The following ANGPT1 variants were observed in gnomAD, a reference collection of about 807,000 sequenced individuals.
The protein encoded by ANGPT1 is angiopoietin 1.
ANGPT1 carries 17 observed loss-of-function variants against 62.2 expected under a neutral mutation model. That is an observed-to-expected ratio of 0.27 (90% CI 0.19 to 0.41). The LOEUF (loss-of-function observed/expected upper bound fraction) is 0.41, where lower values mean the gene tolerates loss of function less well. Among genes scored for constraint, ANGPT1 ranks in the 10% least tolerant of loss-of-function variants. The pLI, the probability that ANGPT1 is intolerant of heterozygous loss-of-function variation, is 1.00. For synonymous variants in ANGPT1, 199 were observed against 198.9 expected (o/e 1.00, Z 0.00); for missense variants, 478 against 594.9 (o/e 0.80, Z 2.04).
chr8:107,400,330 T>G (rs1227310547), intron 1 of ANGPT1, among the ~76,000 whole-genome samples: 1 of 152,188 alleles, frequency 6.6e-6, no homozygotes, highest in East Asian at 1.9e-4. Flanking sequence ...GATGTTTAGT[T>G]CAGTTTATTC....
chr8:107,429,885 A>G (rs1179727091), intron 1 of ANGPT1, among the ~76,000 whole-genome samples: 3 of 121,440 alleles, frequency 2.5e-5, no homozygotes, highest in Non-Finnish European at 5.7e-5. Flanking sequence ...GATTAACATA[A>G]AAGTAAAAGC....
At position 107,254,243 on chromosome 8, in the gene ANGPT1, C is replaced by A. The variant is rs183534282; in HGVS notation, c.1337-2228G>T. ...TGATAGATACCCCAAAATGTAACAC[C>A]TGTCCTTATTGTATTCATTTTTTTC... On this transcript the variant is annotated intron_variant, in intron 8 of 8. Transcript: ENST00000517746. Among the ~76,000 whole-genome samples, 198 of 152,104 alleles carry A rather than the reference C, an allele frequency of 1.3e-3. 2 individuals are homozygous for A. The highest frequency in any genetic ancestry group is 4.5e-3 in the African/African-American group (188 of 41,526).
chr8:107,387,633 CACTAACATT>C (rs1816756244), intron 1 of ANGPT1, among the ~76,000 whole-genome samples: 6 of 112,766 alleles, frequency 5.3e-5, no homozygotes, highest in Non-Finnish European at 1.1e-4. Flanking sequence ...GAATAATTGA[CACTAACATT>C]GATTATTCAC....
At position 107,484,706 on chromosome 8, in the gene ANGPT1, A is replaced by G. The variant is rs958225271; in HGVS notation, c.297+12556T>C. ...AGACATGAGCTACTGTGTCTGGCAG[A>G]AAAGTCATTTTCACACTTGCTATGT... On this transcript the variant is annotated intron_variant, in intron 1 of 8. Coordinates refer to ENST00000517746, the MANE Select transcript of ANGPT1 (RefSeq NM_001146.5). Among the ~76,000 whole-genome samples the G allele has an allele frequency of 4.6e-5, 7 of 152,226 alleles. No homozygotes were observed. In the East Asian group the frequency reaches 1.3e-3, roughly 29 times the overall value.
intron 4 of ANGPT1, among the ~76,000 whole-genome samples, chr8:107,319,299 C>T (rs909908277): frequency 6.6e-6 from 1 of 151,966 alleles, no homozygotes; most frequent in Non-Finnish European, 1.5e-5. Flanking sequence ...TTTAGTCTGG[C>T]CTTGCAGTAT....
intron 1 of ANGPT1, among the ~76,000 whole-genome samples, chr8:107,349,010 G>C (rs1461671141): frequency 6.6e-6 from 1 of 152,072 alleles, no homozygotes; most frequent in Admixed American, 6.6e-5. Flanking sequence ...TTTCCTCTGT[G>C]GTTAATAAGC....
intron 1 of ANGPT1, among the ~76,000 whole-genome samples, chr8:107,370,195 A>AAAAGAAAG (rs35083108): frequency 4.3e-5 from 4 of 93,340 alleles, no homozygotes; most frequent in Non-Finnish European, 8.3e-5. Context: ...AAGAAAGAAA[A>AAAAGAAAG]AAAGAAAGAA....
chr8:107,378,689 G>A (rs980888488), intron 1 of ANGPT1, among the ~76,000 whole-genome samples: 3 of 151,948 alleles, frequency 2.0e-5, no homozygotes, highest in East Asian at 1.9e-4. Context: ...GAGTTCTTGC[G>A]AGATCTGATG....
At chr8:107,331,351 A>C (rs1282256203) in intron 3 of ANGPT1, among the ~76,000 whole-genome samples, 2 of 152,194 alleles carry the variant, frequency 1.3e-5, no homozygotes, top group Admixed American at 1.3e-4. Flanking sequence ...TAAATAGTTT[A>C]TATCTTCTGC....
chr8:107,446,653 A>G (rs1811630507), intron 1 of ANGPT1, among the ~76,000 whole-genome samples: 1 of 152,228 alleles, frequency 6.6e-6, no homozygotes, highest in South Asian at 2.1e-4. Flanking sequence ...GCAGGGAGGA[A>G]TAGAATCAGG....
chr8:107,373,343 CTG>C (rs1037249272), intron 1 of ANGPT1, among the ~76,000 whole-genome samples: 1 of 151,772 alleles, frequency 6.6e-6, no homozygotes, highest in African/African-American at 2.4e-5. Flanking sequence ...TGAAGGAACA[CTG>C]TCTTTTTACC....
intron 7 of ANGPT1, among the ~76,000 whole-genome samples, chr8:107,275,099 T>G (rs1813830412): frequency 1.3e-5 from 2 of 152,160 alleles, no homozygotes; most frequent in South Asian, 4.1e-4. Context: ...GGTTGAGTTC[T>G]GTGGGGTTTT....
chr8:107,431,665 T>C (rs565799726), intron 1 of ANGPT1, among the ~76,000 whole-genome samples: 53 of 152,270 alleles, frequency 3.5e-4, no homozygotes, highest in South Asian at 2.5e-3. Context: ...TCTCCCAACA[T>C]ACTGTCATAA....
intron 7 of ANGPT1, among the ~76,000 whole-genome samples, chr8:107,266,383 C>T (rs1192444464): frequency 6.6e-6 from 1 of 152,198 alleles, no homozygotes; most frequent in Non-Finnish European, 1.5e-5. Context: ...CCTCCATTTG[C>T]AGTCCAAGTA....
intron 1 of ANGPT1, among the ~76,000 whole-genome samples, chr8:107,375,278 C>A (rs1009356579): frequency 6.6e-6 from 1 of 152,024 alleles, no homozygotes; most frequent in African/African-American, 2.4e-5. Context: ...TTGTTGAAAA[C>A]CCTTAACAAA....
intron 4 of ANGPT1, among the ~76,000 whole-genome samples, chr8:107,307,948 C>T (rs892046238): frequency 6.6e-6 from 1 of 152,102 alleles, no homozygotes; most frequent in African/African-American, 2.4e-5. Context: ...CCTTATTAGT[C>T]CCACTATCCT....
intron 1 of ANGPT1, among the ~76,000 whole-genome samples, chr8:107,376,818 T>G (rs1482430681): frequency 6.6e-6 from 1 of 152,226 alleles, no homozygotes; most frequent in Non-Finnish European, 1.5e-5. Flanking sequence ...GGAAACATTA[T>G]TTCTAAGCTA....
chr8:107,343,557 T>C (rs913520226), intron 2 of ANGPT1, among the ~76,000 whole-genome samples: 1 of 152,168 alleles, frequency 6.6e-6, no homozygotes, highest in Admixed American at 6.5e-5. Context: ...CAGCCATTGG[T>C]GAGCACTGGT....
intron 1 of ANGPT1, among the ~76,000 whole-genome samples, chr8:107,367,752 C>A (rs976355943): frequency 3.3e-5 from 5 of 152,208 alleles, no homozygotes; most frequent in Non-Finnish European, 7.4e-5. Context: ...AGAGTAGATT[C>A]CATGTAAAGA....
Sources: gnomAD v4.1 joint callset for allele counts (sites outside exome capture counted in the v4.1 genomes callset) on GRCh38, gnomAD v4.1.1 for gene constraint, MANE v1.5 for transcripts, NCBI Gene and HGNC (gene_info 2026-07-23, HGNC 2026-07-21) for gene names.